Variants in RNF24 observed in about 807,000 individuals in gnomAD.
RNF24 encodes ring finger protein 24.
Under a neutral mutation model 20.0 loss-of-function variants are expected in RNF24, and 14 were observed. The ratio of observed to expected loss-of-function variants is 0.70; its 90% CI spans 0.46 to 1.10. The LOEUF (loss-of-function observed/expected upper bound fraction) is 1.10, where lower values mean the gene tolerates loss of function less well. Ranked by LOEUF, RNF24 falls within the 50% of genes least tolerant of loss-of-function variation. The pLI is 0.00. For missense variants in RNF24, 124 were observed against 177.6 expected, an observed-to-expected ratio of 0.70 and a Z score of 1.71; for synonymous variants, 45 against 61.1, an observed-to-expected ratio of 0.74 and a Z score of 1.23.
intron 3 of RNF24, among the ~76,000 whole-genome samples, chr20:3,946,861 A>C (rs1316971295): frequency 2.6e-5 from 4 of 152,164 alleles, no homozygotes; most frequent in African/African-American, 4.8e-5. Flanking sequence ...CAGTGAGCTC[A>C]GATTTCAAAC....
At position 3,983,098 on chromosome 20, in the gene RNF24, A is replaced by G. The variant is rs565753101; in HGVS notation, c.-7-19074T>C. Among the ~76,000 whole-genome samples, 3 of 152,268 alleles carry G rather than the reference A, an allele frequency of 2.0e-5. No homozygotes were observed. The East Asian group carries it at 5.8e-4, about 29-fold the overall frequency. The stretch of plus-strand genomic sequence containing the variant: ...TGCAGCAGGTACCTTGCCAGATGCC[A>G]GTATCTTGATCTTGAACTTCTTGGC... On this transcript the variant is annotated intron_variant, in intron 1 of 5. Coordinates refer to ENST00000358395, the MANE Select transcript of RNF24 (RefSeq NM_001134337.3).
chr20:3,986,541 GC>G (rs1334633765), intron 1 of RNF24, among the ~76,000 whole-genome samples: 3 of 152,176 alleles, frequency 2.0e-5, no homozygotes, highest in African/African-American at 7.2e-5. Context: ...AGAGGCATGA[GC>G]CACCATGCCC....
chr20:4,004,408 CTT>C (rs1447349899), intron 1 of RNF24, among the ~76,000 whole-genome samples: 2 of 152,066 alleles, frequency 1.3e-5, no homozygotes, highest in Non-Finnish European at 1.5e-5. Flanking sequence ...ATCTTACTCT[CTT>C]GAGTGGATTG....
At chr20:3,977,132 T>G (rs918399409) in intron 1 of RNF24, among the ~76,000 whole-genome samples, 1 of 152,284 alleles carries the variant, frequency 6.6e-6, no homozygotes, top group Admixed American at 6.5e-5. Context: ...GAAAAAGACA[T>G]TTTCAGACAT....
At chr20:3,941,389 A>G (rs1174807966) in intron 4 of RNF24, among the ~76,000 whole-genome samples, 2 of 152,190 alleles carry the variant, frequency 1.3e-5, no homozygotes, top group African/African-American at 2.4e-5. Flanking sequence ...AAAGGGATCC[A>G]TATTGTGGCA....
chr20:3,946,441 C>T (rs241635), intron 3 of RNF24, among the ~76,000 whole-genome samples: 47,255 of 151,774 alleles, frequency 0.31, 8,069 homozygotes, highest in African/African-American at 0.46. Context: ...GTGACAGAAG[C>T]GAGACCCTGT....
intron 4 of RNF24, among the ~76,000 whole-genome samples, chr20:3,941,775 T>C (rs1424330138): frequency 6.6e-6 from 1 of 151,996 alleles, no homozygotes; most frequent in Non-Finnish European, 1.5e-5. Context: ...AATGGGTAGA[T>C]TGAAAATAAA....
intron 2 of RNF24, among the ~76,000 whole-genome samples, chr20:3,952,582 GTT>G (rs60466405): frequency 7.4e-6 from 1 of 135,676 alleles, no homozygotes; most frequent in Admixed American, 7.5e-5. Flanking sequence ...CTTTTTTCCC[GTT>G]TTTTTTTTTT....
intron 1 of RNF24, among the ~76,000 whole-genome samples, chr20:4,008,145 G>A (rs1982031111): frequency 6.7e-6 from 1 of 148,208 alleles, no homozygotes; most frequent in Non-Finnish European, 1.5e-5. Flanking sequence ...TATCTCATTT[G>A]GAACACAAAA....
In RNF24 at chr20:3,935,045, T is replaced by A. The variant is rs774196615; in HGVS notation, c.257A>T (p.Lys86Met). 6.2e-7 allele frequency: 1 copy of A among 1,614,022 alleles called. No homozygotes were observed. The highest frequency in any genetic ancestry group is 1.1e-5 in the South Asian group (1 of 91,078). ...ELCAVCLEDF[K>M]PRDELGICPC... ...GCAAATCCCCAACTCATCTCGAGGC[T>A]TGAAGTCTTCTAGGCACACTGCACA... is the stretch of plus-strand genomic sequence containing the variant. Residue 86 changes from lysine to methionine, a missense_variant, in exon 5 of 6, where the codon AAG becomes ATG. Physicochemically the swap from Lys to Met is moderately conservative, Grantham distance 95. Transcript: ENST00000358395.
chr20:3,948,317 C>G (rs757984237), intron 2 of RNF24, 38 bp from the exon 3 acceptor site: 3 of 1,396,954 alleles, frequency 2.1e-6, no homozygotes, highest in East Asian at 4.8e-5. Flanking sequence ...ATTGAGATTT[C>G]CAACATAGTA....
At chr20:4,008,775 G>A (rs1285977888) in intron 1 of RNF24, among the ~76,000 whole-genome samples, 1 of 151,160 alleles carries the variant, frequency 6.6e-6, no homozygotes, top group Non-Finnish European at 1.5e-5. Context: ...TTGAACTCCT[G>A]ACCTCATGAT....
rs138287472 is a variant in RNF24 at position 3,981,543 on chromosome 20, G to C, written c.-7-17519C>G. Among the ~76,000 whole-genome samples the C allele has an allele frequency of 1.7e-3, 247 of 146,506 alleles. 1 individual carries two copies. The highest frequency in any genetic ancestry group is 6.0e-3 in the African/African-American group (238 of 39,574). On this transcript the variant is annotated intron_variant, in intron 1 of 5. Transcript: ENST00000358395. ...TTTTTTTGAGACAGAGTCTCGCTCTGTCTCCAGGCTGGAGTGCAGTGGCAC... is the reference window on the plus strand; with the variant it reads ...TTTTTTTGAGACAGAGTCTCGCTCTCTCTCCAGGCTGGAGTGCAGTGGCAC...
intron 1 of RNF24, among the ~76,000 whole-genome samples, chr20:4,002,317 C>T (rs1344752423): frequency 2.6e-5 from 4 of 151,944 alleles, no homozygotes; most frequent in Non-Finnish European, 4.4e-5. Context: ...ACCCAGGAGG[C>T]GGAGCTTGCA....
intron 1 of RNF24, among the ~76,000 whole-genome samples, chr20:3,997,546 C>T (rs1980987094): frequency 6.6e-6 from 1 of 151,950 alleles, no homozygotes; most frequent in South Asian, 2.1e-4. Context: ...CCCTCTTCAG[C>T]CTCCAGAGTA....
In RNF24 at chr20:3,928,159, T is replaced by C. The variant is rs1331159707; in HGVS notation, c.*5904A>G. 6.6e-6 allele frequency: 1 copy of C among 152,130 alleles called. No individual in the cohort carries two copies. The highest frequency in any genetic ancestry group is 1.5e-5 in the Non-Finnish European group (1 of 68,010). 9.4% of individuals were successfully genotyped at this position (152,130 alleles called of 1,614,324 possible). A position where few individuals can be genotyped will look rare whatever the true frequency, so the allele number is the denominator to read the frequency against. On this transcript the variant is annotated 3_prime_UTR_variant, in exon 6 of 6. Transcript: ENST00000358395. ...ATGTCCATCTGCTTAAGAAATCTGC[T>C]TAAGAAATCTGTAACAGCTACAGGA... is the stretch of plus-strand genomic sequence containing the variant.
At chr20:3,983,161 A>G (rs922479889) in intron 1 of RNF24, among the ~76,000 whole-genome samples, 2 of 152,116 alleles carry the variant, frequency 1.3e-5, no homozygotes, top group Admixed American at 1.3e-4. Flanking sequence ...GTTCATTATA[A>G]ATTTCTCAGT....
chr20:3,936,379 G>T (rs2090891328), intron 4 of RNF24, among the ~76,000 whole-genome samples: 1 of 152,176 alleles, frequency 6.6e-6, no homozygotes, highest in South Asian at 2.1e-4. Context: ...TAAGGACATG[G>T]CCTGTCCCAC....
At chr20:3,964,790 T>G (rs1488062692) in intron 1 of RNF24, among the ~76,000 whole-genome samples, 3 of 152,160 alleles carry the variant, frequency 2.0e-5, no homozygotes, top group Admixed American at 2.0e-4. Flanking sequence ...AGTGCTGGTA[T>G]TATAGGCATG....
Sources: gnomAD v4.1 joint callset for allele counts (sites outside exome capture counted in the v4.1 genomes callset) on GRCh38, gnomAD v4.1.1 for gene constraint, MANE v1.5 for transcripts, NCBI Gene and HGNC (gene_info 2026-07-23, HGNC 2026-07-21) for gene names.